Variants in FAM149A observed in about 807,000 individuals in gnomAD.
The protein encoded by FAM149A is protein FAM149A.
A neutral mutation model predicts 78.2 loss-of-function variants in FAM149A; 71 were observed. The ratio of observed to expected loss-of-function variants is 0.91; its 90% CI spans 0.75 to 1.11. The LOEUF (loss-of-function observed/expected upper bound fraction) is 1.11, where lower values mean the gene tolerates loss of function less well. Ranked by LOEUF, FAM149A falls within the 50% of genes least tolerant of loss-of-function variation. FAM149A has a pLI of 0.00. For missense variants in FAM149A, 1,036 were observed against 971.0 expected (o/e 1.07, Z -0.89); for synonymous variants, 446 against 410.5 (o/e 1.09, Z -1.04).
intron 1 of FAM149A, 82 bp downstream of exon 1, chr4:186,105,724 T>G: frequency 1.1e-6 from 1 of 910,910 alleles, no homozygotes; most frequent in Non-Finnish European, 1.3e-6. Flanking sequence ...CCTTCGCAGG[T>G]GCACTTCAGG....
intron 1 of FAM149A, chr4:186,125,915 G>A (rs1519317): frequency 1 from 983,756 of 985,320 alleles, 491,116 homozygotes; most frequent in East Asian, 1. Context: ...GTGTCCTGCA[G>A]ACTCGCACTG....
At chr4:186,170,214 C>T (rs999690535) in intron 13 of FAM149A, among the ~76,000 whole-genome samples, 5 of 152,228 alleles carry the variant, frequency 3.3e-5, no homozygotes, top group African/African-American at 1.2e-4. Flanking sequence ...CGGAGGAGGC[C>T]ATGCCTGGTG....
At chr4:186,155,904 A>G (rs371275273) in intron 6 of FAM149A, 96 bp from the exon 7 acceptor site, 85 of 828,998 alleles carry the variant, frequency 1.0e-4, no homozygotes, top group South Asian at 6.3e-4. Flanking sequence ...GTTTATTAAT[A>G]TATGTATACA....
intron 1 of FAM149A, among the ~76,000 whole-genome samples, chr4:186,116,972 A>T (rs1364111672): frequency 2.6e-5 from 4 of 152,336 alleles, no homozygotes; most frequent in African/African-American, 9.6e-5. Flanking sequence ...AATTTGATTC[A>T]AATCTCATTT....
At chr4:186,123,884 A>AG (rs966498783) in intron 1 of FAM149A, 4 of 959,656 alleles carry the variant, frequency 4.2e-6, no homozygotes, top group African/African-American at 2.0e-5. Context: ...ACTTTCTTAA[A>AG]AAAAATAAAA....
At chr4:186,140,722 G>A (rs778993478) in intron 1 of FAM149A, among the ~76,000 whole-genome samples, 20 of 152,106 alleles carry the variant, frequency 1.3e-4, no homozygotes, top group Non-Finnish European at 2.6e-4. Flanking sequence ...CAATAAGATA[G>A]AAATAGTTAT....
chr4:186,148,959 A>G (rs1299791609), intron 1 of FAM149A, among the ~76,000 whole-genome samples: 2 of 151,972 alleles, frequency 1.3e-5, no homozygotes, highest in Admixed American at 1.3e-4. Flanking sequence ...TAAGAAAAAG[A>G]AAAATGATGA....
intron 1 of FAM149A, among the ~76,000 whole-genome samples, chr4:186,142,728 C>G (rs2099326353): frequency 6.6e-6 from 1 of 152,206 alleles, no homozygotes; most frequent in Non-Finnish European, 1.5e-5. Flanking sequence ...CCACCCCCGA[C>G]TGCATGGTGT....
At chr4:186,106,958 AC>A (rs1422368290) in intron 1 of FAM149A, among the ~76,000 whole-genome samples, 2 of 152,204 alleles carry the variant, frequency 1.3e-5, no homozygotes, top group Non-Finnish European at 2.9e-5. Flanking sequence ...TCTCAAAAAA[AC>A]AACAACAAAA....
At chr4:186,151,531 G>A (rs1733588122) in intron 3 of FAM149A, among the ~76,000 whole-genome samples, 1 of 152,190 alleles carries the variant, frequency 6.6e-6, no homozygotes, top group Non-Finnish European at 1.5e-5. Flanking sequence ...GTCAGGCACA[G>A]CTCTGTGAGG....
intron 1 of FAM149A, chr4:186,124,204 G>A: frequency 1.0e-6 from 1 of 985,352 alleles, no homozygotes; most frequent in Non-Finnish European, 1.2e-6. Context: ...CAGAGTGGAG[G>A]CAGAGGGTGG....
intron 1 of FAM149A, among the ~76,000 whole-genome samples, chr4:186,120,049 G>A (rs1484901931): frequency 2.0e-5 from 3 of 152,260 alleles, no homozygotes; most frequent in African/African-American, 7.2e-5. Context: ...TGTTTTACTT[G>A]TTTTAACATT....
intron 1 of FAM149A, chr4:186,132,325 A>G (rs765462662): frequency 5.0e-5 from 32 of 643,928 alleles, no homozygotes; most frequent in Non-Finnish European, 5.8e-5. Flanking sequence ...AGACTGTGTT[A>G]TTGATGCAGA....
intron 1 of FAM149A, chr4:186,109,802 T>C: frequency 3.0e-6 from 3 of 984,998 alleles, no homozygotes; most frequent in Non-Finnish European, 2.4e-6. Flanking sequence ...GTGGCTGTAA[T>C]AAATGGTGTC....
Position 186,162,810 on chromosome 4 carries a change from C to CTTT in FAM149A, c.1576-14_1576-12dup, listed in dbSNP as rs56973296. The CTTT allele has an allele frequency of 4.1e-3, 2,294 of 562,384 alleles. 42 individuals are homozygous for CTTT. The highest frequency in any genetic ancestry group is 0.02 in the African/African-American group (777 of 39,696). The allele number at this position is 562,384 out of a possible 1,614,324, so 34.8% of individuals were successfully genotyped here. ...GGAACGGCACTGGGCATTTGTAATT[C>CTTT]TTTTTTTTTTTTTTTTTTTTTTTAC... On this transcript the variant is annotated intron_variant, in intron 8 of 13. Transcript: ENST00000389354.
At position 186,105,735 on chromosome 4, in the gene FAM149A, A is replaced by G. The variant is rs1002244308; in HGVS notation, c.566+93A>G. On this transcript the variant is annotated intron_variant, in intron 1 of 13. Coordinates refer to ENST00000389354, the MANE Select transcript of FAM149A (RefSeq NM_001367768.3). Reference sequence around the variant, plus strand: ...CTCACCTTCGCAGGTGCACTTCAGGAAATGAAATATTTGTAGTAACTTTCA... The same window carrying G: ...CTCACCTTCGCAGGTGCACTTCAGGGAATGAAATATTTGTAGTAACTTTCA... The G allele has an allele frequency of 4.6e-6, 4 of 874,198 alleles. No homozygotes were observed. In the East Asian group the frequency reaches 3.6e-4, roughly 80 times the overall value. 54.2% of individuals were successfully genotyped at this position (874,198 alleles called of 1,614,324 possible). A position where few individuals can be genotyped will look rare whatever the true frequency, so the allele number is the denominator to read the frequency against.
chr4:186,157,329 A>T (rs1402113151), intron 7 of FAM149A, among the ~76,000 whole-genome samples: 3 of 152,156 alleles, frequency 2.0e-5, no homozygotes, highest in Non-Finnish European at 4.4e-5. Flanking sequence ...GGGCTTTATC[A>T]TGTGCTGAGA....
At chr4:186,125,826 G>C in intron 1 of FAM149A, 1 of 985,222 alleles carries the variant, frequency 1.0e-6, no homozygotes, top group Non-Finnish European at 1.2e-6. Context: ...AGGCCAAAAA[G>C]AAATACGAGG....
rs1236753572 is a variant in FAM149A, at chr4:186,154,526, G to A, written c.1117G>A (p.Gly373Ser). The A allele has an allele frequency of 3.1e-6, 5 of 1,614,124 alleles. No homozygotes were observed. Among genetic ancestry groups the A allele is most frequent in the South Asian group, 1.1e-5 (1 of 91,076 alleles). Residue 373 changes from glycine to serine, a missense_variant, in exon 6 of 14, where the codon GGC becomes AGC. Gly to Ser is a moderately conservative substitution (Grantham distance 56). Coordinates refer to ENST00000389354, the MANE Select transcript of FAM149A (RefSeq NM_001367768.3). ...AGCACTCTCAGCCTCTGCCCTGCCA[G>A]GCCCTGATGACACAGGGGTTGCTGA...
Sources: gnomAD v4.1 joint callset for allele counts (sites outside exome capture counted in the v4.1 genomes callset) on GRCh38, gnomAD v4.1.1 for gene constraint, MANE v1.5 for transcripts, NCBI Gene and HGNC (gene_info 2026-07-23, HGNC 2026-07-21) for gene names.